Variants in NUP188 observed in about 807,000 individuals in gnomAD.
The protein encoded by NUP188 is nucleoporin NUP188.
In NUP188, 97 loss-of-function variants were observed where a neutral mutation model predicts 223.0. The ratio of observed to expected loss-of-function variants is 0.43; its 90% confidence interval spans 0.37 to 0.51. The LOEUF (loss-of-function observed/expected upper bound fraction) is 0.51, where lower values mean the gene tolerates loss of function less well. Among genes scored for constraint, NUP188 ranks in the 20% least tolerant of loss-of-function variants. NUP188 has a pLI of 0.00. For synonymous variants in NUP188, 869 were observed against 828.0 expected, an observed-to-expected ratio of 1.05 and a Z score of -0.85; for missense variants, 1,947 against 2,175.6, an observed-to-expected ratio of 0.89 and a Z score of 2.09.
In NUP188 at chr9:128,990,171, A is replaced by G. The variant is rs771238335; in HGVS notation, c.2585A>G (p.Lys862Arg). ...IAVLAKYIYH[K>R]HDPALPRLAI... ...GTTCTAGCCAAATACATCTACCACA[A>G]ACATGACCCTGCTTTGCCACGTCTT... The change falls in exon 25 of 44, where the codon AAA becomes AGA. Residue 862 changes from lysine (K) to arginine (R), a missense_variant. Around this residue, in one of 3 missense-constraint regions of NUP188, gnomAD observed 225 missense variants for 319.1 expected, o/e 0.71. Transcript: ENST00000372577. 8.4e-5 allele frequency: 135 copies of G among 1,614,108 alleles called. No homozygotes were observed. The highest frequency in any genetic ancestry group is 1.1e-4 in the Non-Finnish European group (133 of 1,180,038).
intron 26 of NUP188, 31 bp downstream of exon 26, chr9:128,993,434 G>A (rs773290689): frequency 3.1e-6 from 5 of 1,613,202 alleles, no homozygotes; most frequent in Non-Finnish European, 4.2e-6. Flanking sequence ...GACACTGGGA[G>A]TTGGCTCACT....
Position 129,006,521 on chromosome 9 carries a change from T to C in NUP188, c.5093T>C (p.Leu1698Pro), listed in dbSNP as rs1284538584. The change falls in exon 44 of 44, where the codon CTC (leucine) becomes CCC (proline). Residue 1698 changes from leucine (L) to proline (P), a missense_variant. Around this residue, in one of 3 missense-constraint regions of NUP188, gnomAD observed 905 missense variants for 990.6 expected, o/e 0.91. Transcript: ENST00000372577. ...TTGTAGAGCACGCTGCTGTCCAGCC[T>C]CTCGCGCTACTTCCGCCGGGGAGCC... Reference protein sequence around the residue: ...SSELSTLLSSLSRYFRRGAPS... With the variant: ...SSELSTLLSSPSRYFRRGAPS... 1 of 1,613,768 alleles carries C rather than the reference T, an allele frequency of 6.2e-7. No homozygotes were observed. Among genetic ancestry groups the C allele is most frequent in the Non-Finnish European group, 8.5e-7 (1 of 1,179,902 alleles).
intron 2 of NUP188, among the ~76,000 whole-genome samples, chr9:128,951,509 A>G (rs1438674197): frequency 6.6e-6 from 1 of 152,066 alleles, no homozygotes; most frequent in Non-Finnish European, 1.5e-5. Flanking sequence ...TCACCACAAC[A>G]TCATTTATAT....
chr9:128,991,647 T>C (rs1842433842), intron 25 of NUP188, among the ~76,000 whole-genome samples: 1 of 151,438 alleles, frequency 6.6e-6, no homozygotes, highest in African/African-American at 2.4e-5. Context: ...TTTGAAACCA[T>C]CCTGGGCAAC....
rs777484738 is a variant in NUP188, at chr9:128,987,710, C to T, written c.2386C>T (p.Pro796Ser). 4 of 1,613,220 alleles carry T rather than the reference C, an allele frequency of 2.5e-6. No homozygotes were observed. The South Asian group carries it at 3.3e-5, about 13-fold the overall frequency. ...CATTGACATGGTGATGGCTGCTCAGCCTCGAAGGTAGGGCTCCTTCTCCAC... is the reference window on the plus strand; with the variant it reads ...CATTGACATGGTGATGGCTGCTCAGTCTCGAAGGTAGGGCTCCTTCTCCAC... ...DTIDMVMAAQ[P>S]RSDGAEGQGQ... Residue 796 changes from proline to serine, a missense_variant, in exon 23 of 44, where the codon CCT becomes TCT. Pro to Ser is a moderately conservative substitution (Grantham distance 74). Coordinates refer to ENST00000372577, the MANE Select transcript of NUP188 (RefSeq NM_015354.3).
chr9:128,995,608 T>A, intron 30 of NUP188, 94 bp downstream of exon 30: 1 of 1,099,542 alleles, frequency 9.1e-7, no homozygotes, highest in Non-Finnish European at 1.3e-6. Flanking sequence ...GCGGAAGAAT[T>A]AATCAGGGTT....
At chr9:128,958,714 C>T in intron 6 of NUP188, 88 bp from the exon 7 acceptor site, 1 of 629,654 alleles carries the variant, frequency 1.6e-6, no homozygotes, top group African/African-American at 1.8e-5. Context: ...TTTCCATCCA[C>T]ATCTTTAAGT....
intron 33 of NUP188, 49 bp from the exon 34 acceptor site, chr9:128,999,575 A>C: frequency 1.9e-6 from 3 of 1,574,458 alleles, no homozygotes; most frequent in Non-Finnish European, 2.6e-6. Flanking sequence ...GTGTACAGTG[A>C]GAGTTGGCCT....
intron 13 of NUP188, among the ~76,000 whole-genome samples, chr9:128,979,834 A>G (rs1319335538): frequency 6.6e-6 from 1 of 152,068 alleles, no homozygotes; most frequent in Admixed American, 6.6e-5. Context: ...GGGTTTCACT[A>G]TGTTGGCCAG....
intron 37 of NUP188, 22 bp downstream of exon 37, chr9:129,002,997 A>G: frequency 6.2e-7 from 1 of 1,611,922 alleles, no homozygotes; most frequent in Non-Finnish European, 8.5e-7. Context: ...CCTGCATTGC[A>G]GGGGTGGGAG....
At chr9:128,999,432 C>T (rs1842596683) in intron 33 of NUP188, 115 bp downstream of exon 33, 1 of 1,422,454 alleles carries the variant, frequency 7.0e-7, no homozygotes, top group Non-Finnish European at 9.5e-7. Context: ...TTTGAGTTTC[C>T]AGTCATGGAA....
intron 8 of NUP188, among the ~76,000 whole-genome samples, chr9:128,967,468 A>C (rs1416154620): frequency 1.3e-5 from 2 of 152,186 alleles, no homozygotes; most frequent in African/African-American, 2.4e-5. Context: ...CAGCCCTGGC[A>C]ACATAGCAAG....
Position 128,999,517 on chromosome 9 carries a change from C to T in NUP188, c.3662-107C>T. On this transcript the variant is annotated intron_variant, in intron 33 of 43. Coordinates refer to ENST00000372577, the MANE Select transcript of NUP188 (RefSeq NM_015354.3). ...CTCCCACTGGACAGATGCTGTCCCT[C>T]CTAGCGCCCTAGTACATCTCCAGCC... 18 of 1,249,334 alleles carry T rather than the reference C, an allele frequency of 1.4e-5. No homozygotes were observed. The South Asian group carries it at 1.6e-4, about 11-fold the overall frequency. 77.4% of individuals were successfully genotyped at this position (1,249,334 alleles called of 1,614,324 possible). A position where few individuals can be genotyped will look rare whatever the true frequency, so the allele number is the denominator to read the frequency against.
intron 30 of NUP188, among the ~76,000 whole-genome samples, chr9:128,996,337 A>G (rs1842525791): frequency 6.6e-6 from 1 of 151,954 alleles, no homozygotes; most frequent in Non-Finnish European, 1.5e-5. Context: ...TTTCGTAGAG[A>G]TGGGGTTTCA....
At chr9:128,979,814 A>G (rs1018621823) in intron 13 of NUP188, among the ~76,000 whole-genome samples, 4 of 152,010 alleles carry the variant, frequency 2.6e-5, no homozygotes, top group African/African-American at 9.7e-5. Flanking sequence ...TTGTATTTCT[A>G]GTAGAGACGG....
intron 35 of NUP188, 22 bp from the exon 36 acceptor site, chr9:129,001,862 T>G (rs1391303642): frequency 6.2e-7 from 1 of 1,611,616 alleles, no homozygotes. Context: ...CCATCTCATT[T>G]CCTGTCTTTC....
At chr9:128,995,589 G>A in intron 30 of NUP188, 75 bp downstream of exon 30, 1 of 1,247,662 alleles carries the variant, frequency 8.0e-7, no homozygotes, top group Non-Finnish European at 1.1e-6. Context: ...AGCAGATACA[G>A]CTCCTTGTGC....
chr9:128,981,839 A>G (rs1348432778), intron 15 of NUP188, among the ~76,000 whole-genome samples: 2 of 152,202 alleles, frequency 1.3e-5, no homozygotes, highest in Non-Finnish European at 2.9e-5. Context: ...CTGGGATTAC[A>G]GGCCAAGGTG....
Position 128,987,698 on chromosome 9 carries a change from A to G in NUP188, c.2374A>G (p.Met792Val), listed in dbSNP as rs1265623062. 1.2e-6 allele frequency: 2 copies of G among 1,613,976 alleles called. No individual in the cohort carries two copies. The highest frequency in any genetic ancestry group is 1.7e-5 in the Admixed American group (1 of 59,984). Residue 792 changes from methionine (M) to valine (V), a missense_variant, in exon 23 of 44, where the codon ATG (methionine) becomes GTG (valine). Coordinates refer to ENST00000372577, the MANE Select transcript of NUP188 (RefSeq NM_015354.3). ...GIGVDTIDMVMAAQPRSDGAE... is the reference protein window; with the variant it reads ...GIGVDTIDMVVAAQPRSDGAE... ...TGGCGTGGACACCATTGACATGGTGATGGCTGCTCAGCCTCGAAGGTAGGG... is the reference window on the plus strand; with the variant it reads ...TGGCGTGGACACCATTGACATGGTGGTGGCTGCTCAGCCTCGAAGGTAGGG...
Sources: gnomAD v4.1 joint callset for allele counts (sites outside exome capture counted in the v4.1 genomes callset) on GRCh38, gnomAD v4.1.1 for gene constraint, gnomAD v4.1.1 regional missense constraint, MANE v1.5 for transcripts, NCBI Gene and HGNC (gene_info 2026-07-23, HGNC 2026-07-21) for gene names.